Variants in MYO16 observed in about 807,000 individuals in gnomAD.
MYO16 encodes unconventional myosin-XVI.
Under a neutral mutation model 205.3 loss-of-function variants are expected in MYO16, and 94 were observed. That is an observed-to-expected ratio of 0.46 (90% CI 0.39 to 0.54). MYO16 has a LOEUF of 0.54. Ranked by LOEUF, MYO16 falls within the 20% of genes least tolerant of loss-of-function variation. The pLI, the probability that MYO16 is intolerant of heterozygous loss-of-function variation, is 0.00. For synonymous variants in MYO16, 988 were observed against 954.0 expected (o/e 1.04, Z -0.66); for missense variants, 2,315 against 2,387.5 (o/e 0.97, Z 0.63).
intron 4 of MYO16, among the ~76,000 whole-genome samples, chr13:108,772,045 T>G (rs944945392): frequency 6.6e-6 from 1 of 152,012 alleles, no homozygotes; most frequent in African/African-American, 2.4e-5. Flanking sequence ...GTAGTAAGAG[T>G]AGGTTTACTT....
intron 4 of MYO16, among the ~76,000 whole-genome samples, chr13:108,781,816 A>C (rs1886313563): frequency 6.6e-6 from 1 of 152,082 alleles, no homozygotes; most frequent in Non-Finnish European, 1.5e-5. Flanking sequence ...AAGTCTCATG[A>C]GATTTGATGG....
the MYO16 span, among the ~76,000 whole-genome samples, chr13:108,517,952 TA>T: frequency 6.6e-6 from 1 of 152,172 alleles, no homozygotes; most frequent in Non-Finnish European, 1.5e-5. Context: ...TATGAGGCAC[TA>T]AACCTCTTCA....
chr13:108,897,007 TA>T (rs1233396738), intron 14 of MYO16, among the ~76,000 whole-genome samples: 2 of 151,528 alleles, frequency 1.3e-5, no homozygotes, highest in Non-Finnish European at 2.9e-5. Context: ...AAAAATAAAA[TA>T]AAAAGTAAAT....
intron 23 of MYO16, among the ~76,000 whole-genome samples, chr13:109,022,159 A>G (rs1240924140): frequency 1.5e-5 from 2 of 137,800 alleles, no homozygotes; most frequent in East Asian, 4.0e-4. Flanking sequence ...ATACAAATTT[A>G]TATATACAAA....
At chr13:108,553,363 A>G in the MYO16 span, among the ~76,000 whole-genome samples, 254 of 152,310 alleles carry the variant, frequency 1.7e-3, 7 homozygotes, top group Non-Finnish European at 1.5e-3. Context: ...CCAAAGCAGC[A>G]TCTATCATCA....
At chr13:109,074,196 T>G (rs910038233) in intron 27 of MYO16, among the ~76,000 whole-genome samples, 4 of 152,176 alleles carry the variant, frequency 2.6e-5, no homozygotes, top group African/African-American at 9.7e-5. Flanking sequence ...CATACACCCA[T>G]GAGCCCAAGA....
chr13:109,189,174 T>C (rs755483260), intron 34 of MYO16, among the ~76,000 whole-genome samples: 1 of 152,106 alleles, frequency 6.6e-6, no homozygotes, highest in Non-Finnish European at 1.5e-5. Context: ...AGTCAAGTCC[T>C]TCCATGTTCT....
At chr13:108,705,733 G>A (rs1310885873) in intron 2 of MYO16, among the ~76,000 whole-genome samples, 2 of 151,906 alleles carry the variant, frequency 1.3e-5, no homozygotes, top group East Asian at 1.9e-4. Context: ...TGGGTTAAAA[G>A]GTAATACTAG....
the MYO16 span, among the ~76,000 whole-genome samples, chr13:108,589,174 A>AT: frequency 6.6e-6 from 1 of 152,082 alleles, no homozygotes. Flanking sequence ...ATACCAACTT[A>AT]TTTTTTCTCA....
At chr13:108,622,291 G>T (rs1418609538) in intron 1 of MYO16, among the ~76,000 whole-genome samples, 2 of 152,174 alleles carry the variant, frequency 1.3e-5, no homozygotes, top group Non-Finnish European at 2.9e-5. Flanking sequence ...AATTGTACTT[G>T]TTGAGCACCT....
At chr13:108,807,598 T>A (rs1209435230) in intron 7 of MYO16, among the ~76,000 whole-genome samples, 1 of 152,194 alleles carries the variant, frequency 6.6e-6, no homozygotes. Context: ...GGATTGTATG[T>A]TTTTAGGAAT....
chr13:108,879,100 T>C (rs902893433), intron 12 of MYO16, among the ~76,000 whole-genome samples: 5 of 152,166 alleles, frequency 3.3e-5, no homozygotes, highest in African/African-American at 1.2e-4. Context: ...TTATCAACAC[T>C]CCAGAAGTCC....
the MYO16 span, among the ~76,000 whole-genome samples, chr13:108,504,051 A>G: frequency 6.6e-6 from 1 of 152,086 alleles, no homozygotes; most frequent in East Asian, 1.9e-4. Context: ...ATCATTTCTA[A>G]GTGCACAGTA....
At chr13:108,712,161 C>G (rs1329906772) in intron 2 of MYO16, among the ~76,000 whole-genome samples, 2 of 152,148 alleles carry the variant, frequency 1.3e-5, no homozygotes, top group African/African-American at 2.4e-5. Context: ...ATATATGTGG[C>G]TTTGTTCTGA....
the MYO16 span, among the ~76,000 whole-genome samples, chr13:108,541,816 T>C: frequency 6.6e-6 from 1 of 152,150 alleles, no homozygotes; most frequent in African/African-American, 2.4e-5. Context: ...AAATAACAGA[T>C]GCTGGCGAGC....
intron 4 of MYO16, among the ~76,000 whole-genome samples, chr13:108,738,111 G>A (rs2057186645): frequency 6.6e-6 from 1 of 151,988 alleles, no homozygotes; most frequent in South Asian, 2.1e-4. Context: ...TATTTTGAAG[G>A]ATTTTTTTTG....
chr13:108,561,947 G>A, the MYO16 span, among the ~76,000 whole-genome samples: 3 of 152,108 alleles, frequency 2.0e-5, no homozygotes, highest in East Asian at 3.8e-4. Flanking sequence ...AATACATGTA[G>A]GCATTTGTGA....
At chr13:109,033,443 T>C (rs1886608230) in intron 23 of MYO16, among the ~76,000 whole-genome samples, 1 of 152,202 alleles carries the variant, frequency 6.6e-6, no homozygotes, top group East Asian at 1.9e-4. Flanking sequence ...TTATCTTTCT[T>C]TAGGAGTCCT....
At chr13:109,096,047 A>G (rs561990630) in intron 27 of MYO16, among the ~76,000 whole-genome samples, 4 of 152,336 alleles carry the variant, frequency 2.6e-5, no homozygotes, top group African/African-American at 4.8e-5. Context: ...CCTGGGTTCA[A>G]TTCCAGCTCA....
Sources: gnomAD v4.1 joint callset for allele counts (sites outside exome capture counted in the v4.1 genomes callset) on GRCh38, gnomAD v4.1.1 for gene constraint, MANE v1.5 for transcripts, NCBI Gene and HGNC (gene_info 2026-07-23, HGNC 2026-07-21) for gene names.